Variants in TMEFF2 observed in about 807,000 individuals in gnomAD.
TMEFF2 encodes the protein transmembrane protein with EGF like and two follistatin like domains 2.
In TMEFF2, 28 loss-of-function variants were observed where a neutral mutation model predicts 53.8. The ratio of observed to expected loss-of-function variants is 0.52; its 90% CI spans 0.39 to 0.71. The LOEUF is 0.71. Among genes scored for constraint, TMEFF2 ranks in the 30% least tolerant of loss-of-function variants. The pLI, the probability that TMEFF2 is intolerant of heterozygous loss-of-function variation, is 0.00. For missense variants in TMEFF2, 353 were observed against 455.2 expected, an observed-to-expected ratio of 0.78 and a Z score of 2.04; for synonymous variants, 162 against 166.3, an observed-to-expected ratio of 0.97 and a Z score of 0.20.
chr2:192,010,142 A>T (rs537550921), intron 5 of TMEFF2, among the ~76,000 whole-genome samples: 2 of 152,308 alleles, frequency 1.3e-5, no homozygotes, highest in South Asian at 4.1e-4. Flanking sequence ...GAAGGGAATC[A>T]TCTCTCTCTT....
chr2:192,193,736 T>TGAGA (rs201001713), intron 1 of TMEFF2, among the ~76,000 whole-genome samples: 69 of 119,308 alleles, frequency 5.8e-4, no homozygotes, highest in Non-Finnish European at 6.9e-4. Flanking sequence ...GAGAAGGGAA[T>TGAGA]GAGAGAGAGA....
At chr2:191,985,206 A>G (rs1215471559) in intron 7 of TMEFF2, among the ~76,000 whole-genome samples, 1 of 152,132 alleles carries the variant, frequency 6.6e-6, no homozygotes, top group African/African-American at 2.4e-5. Context: ...AAAAAGGAAA[A>G]AAAAGAGATG....
chr2:191,981,589 A>G (rs775017948), intron 7 of TMEFF2, among the ~76,000 whole-genome samples: 1 of 152,146 alleles, frequency 6.6e-6, no homozygotes, highest in Non-Finnish European at 1.5e-5. Context: ...TATTATTTCT[A>G]CTTTAGCATT....
chr2:192,125,853 A>G (rs1041048855), intron 4 of TMEFF2, among the ~76,000 whole-genome samples: 1 of 152,186 alleles, frequency 6.6e-6, no homozygotes, highest in Non-Finnish European at 1.5e-5. Flanking sequence ...TTGGGAAACA[A>G]GACACACTGG....
chr2:192,092,991 T>C (rs1436941758), intron 4 of TMEFF2, among the ~76,000 whole-genome samples: 1 of 152,150 alleles, frequency 6.6e-6, no homozygotes. Context: ...AGGTTTATGG[T>C]AATTTATTAC....
At chr2:192,064,286 AAT>A (rs1224743496) in intron 4 of TMEFF2, among the ~76,000 whole-genome samples, 2 of 151,816 alleles carry the variant, frequency 1.3e-5, no homozygotes, top group East Asian at 3.9e-4. Context: ...ACTTTATGAC[AAT>A]ATATTTCTAA....
chr2:191,949,760 A>G lies in TMEFF2; in HGVS notation c.*551T>C. On this transcript the variant is annotated 3_prime_UTR_variant, in exon 10 of 10. Coordinates refer to ENST00000272771, the MANE Select transcript of TMEFF2 (RefSeq NM_016192.4). ...GATGAAAATGGAAGACCAGGGAAGA[A>G]AGTTGATGAAATAGAGATGATTCAA... 3 of 985,374 alleles carry G rather than the reference A, an allele frequency of 3.0e-6. No homozygotes were observed. The highest frequency in any genetic ancestry group is 3.6e-6 in the Non-Finnish European group (3 of 829,852). 61.0% of individuals were successfully genotyped at this position (985,374 alleles called of 1,614,324 possible).
chr2:191,964,273 T>TC (rs71033643), intron 7 of TMEFF2, among the ~76,000 whole-genome samples: 29 of 147,550 alleles, frequency 2.0e-4, no homozygotes, highest in African/African-American at 6.7e-4. Flanking sequence ...TCTTTTCTTT[T>TC]TTCTTTTCCT....
chr2:192,188,286 C>T (rs1691365060), intron 2 of TMEFF2, among the ~76,000 whole-genome samples: 1 of 152,172 alleles, frequency 6.6e-6, no homozygotes, highest in Admixed American at 6.5e-5. Flanking sequence ...ATAGCTTCTA[C>T]CTGGCTCTTT....
At chr2:192,120,326 T>G (rs34306894) in intron 4 of TMEFF2, among the ~76,000 whole-genome samples, 23,112 of 152,168 alleles carry the variant, frequency 0.15, 2,584 homozygotes, top group African/African-American at 0.3. Context: ...TCTTTGGGTC[T>G]TATAGTTCAC....
chr2:192,045,928 T>G (rs1687609419), intron 5 of TMEFF2, among the ~76,000 whole-genome samples: 1 of 152,236 alleles, frequency 6.6e-6, no homozygotes, highest in Admixed American at 6.5e-5. Context: ...TACGGAATGC[T>G]TTATCCACCA....
intron 4 of TMEFF2, among the ~76,000 whole-genome samples, chr2:192,163,626 A>C (rs1690685560): frequency 6.6e-6 from 1 of 152,226 alleles, no homozygotes; most frequent in Admixed American, 6.5e-5. Flanking sequence ...ACTAGTTAAC[A>C]ACCCCAAAAG....
Position 192,055,959 on chromosome 2 carries a change from A to G in TMEFF2, c.536+1720T>C, listed in dbSNP as rs190406216. 3.5e-4 allele frequency among the ~76,000 whole-genome samples: 54 copies of G among 152,254 alleles called. No individual in the cohort carries two copies. The Middle Eastern group carries it at 0.01, about 29-fold the overall frequency. ...TCTACTGCTGTCTGATTTTAGTAAT[A>G]GATGTTTATTTCACTTGGCTATTCA... On this transcript the variant is annotated intron_variant, in intron 5 of 9. Coordinates refer to ENST00000272771, the MANE Select transcript of TMEFF2 (RefSeq NM_016192.4).
chr2:192,104,254 A>G lies in TMEFF2; in HGVS notation c.440-46479T>C, dbSNP rs1281191375. 3.3e-5 allele frequency among the ~76,000 whole-genome samples: 5 copies of G among 152,138 alleles called. 1 individual carries two copies. The highest frequency in any genetic ancestry group is 7.4e-5 in the Non-Finnish European group (5 of 68,020). On this transcript the variant is annotated intron_variant, in intron 4 of 9. Transcript: ENST00000272771. ...GTAGCGTTTAGAGAAAATCAGGTTG[A>G]CTCCAAAGTTTTTGGCATAAACAAC...
chr2:192,092,266 C>A (rs1688807602), intron 4 of TMEFF2, among the ~76,000 whole-genome samples: 1 of 152,122 alleles, frequency 6.6e-6, no homozygotes, highest in African/African-American at 2.4e-5. Flanking sequence ...CTCCAATATT[C>A]TCCTTCATTT....
chr2:192,140,427 G>A (rs2105989040), intron 4 of TMEFF2, among the ~76,000 whole-genome samples: 1 of 152,274 alleles, frequency 6.6e-6, no homozygotes, highest in Non-Finnish European at 1.5e-5. Context: ...ATAGGAATGT[G>A]GTGTCCGCAC....
chr2:192,137,733 A>C lies in TMEFF2; in HGVS notation c.439+41935T>G, dbSNP rs936074232. Among the ~76,000 whole-genome samples the C allele has an allele frequency of 3.3e-5, 5 of 150,296 alleles. No individual in the cohort carries two copies. The East Asian group carries it at 7.7e-4, about 23-fold the overall frequency. ...CCTATACACTGAGCCTGAGTAAAAT[A>C]CATCTATCTATATATCTACTTATAT... is the stretch of plus-strand genomic sequence containing the variant. On this transcript the variant is annotated intron_variant, in intron 4 of 9. Transcript: ENST00000272771.
chr2:192,094,408 G>C (rs1396800401), intron 4 of TMEFF2, among the ~76,000 whole-genome samples: 1 of 151,748 alleles, frequency 6.6e-6, no homozygotes, highest in Non-Finnish European at 1.5e-5. Flanking sequence ...CGCATTTCAA[G>C]TGGTAACTGA....
chr2:192,112,979 T>A (rs1689320231), intron 4 of TMEFF2, among the ~76,000 whole-genome samples: 1 of 152,178 alleles, frequency 6.6e-6, no homozygotes, highest in Non-Finnish European at 1.5e-5. Flanking sequence ...TTCTTTTCCT[T>A]TATAATTACC....
Sources: allele counts gnomAD v4.1 joint callset (sites outside exome capture counted in the v4.1 genomes callset), GRCh38; gene constraint gnomAD v4.1.1; transcripts MANE v1.5; gene names NCBI Gene and HGNC (gene_info 2026-07-23, HGNC 2026-07-21).